The following TFB2M variants were observed in gnomAD, a reference collection of about 807,000 sequenced individuals.
The protein encoded by TFB2M is transcription factor B2, mitochondrial.
In TFB2M, 44 loss-of-function variants were observed where a neutral mutation model predicts 41.3. The ratio of observed to expected loss-of-function variants is 1.07; its 90% CI spans 0.84 to 1.37. The LOEUF is 1.37. Ranked by LOEUF, TFB2M falls within the 40% of genes most tolerant of loss-of-function variation. TFB2M has a pLI of 0.00. For missense variants in TFB2M, 496 were observed against 490.2 expected, an observed-to-expected ratio of 1.01 and a Z score of -0.11; for synonymous variants, 188 against 176.8, an observed-to-expected ratio of 1.06 and a Z score of -0.50.
chr1:246,541,238 T>C (rs1658847251), intron 7 of TFB2M, 36 bp from the exon 8 acceptor site: 5 of 1,591,454 alleles, frequency 3.1e-6, no homozygotes, highest in African/African-American at 1.3e-5. Flanking sequence ...TACTTAATTC[T>C]TTCTCATGCA....
chr1:246,544,434 A>G (rs957514587), intron 7 of TFB2M, 87 bp downstream of exon 7: 1 of 1,231,880 alleles, frequency 8.1e-7, no homozygotes. Flanking sequence ...CACTCTGTCA[A>G]TCAAGATATA....
Position 246,544,695 on chromosome 1 carries a change from A to C in TFB2M, c.859-14T>G, listed in dbSNP as rs1444619023. The C allele has an allele frequency of 1.9e-6, 3 of 1,578,086 alleles. No individual in the cohort carries two copies. The South Asian group carries it at 3.5e-5, about 19-fold the overall frequency. On this transcript the variant is annotated splice_polypyrimidine_tract_variant and intron_variant, in intron 6 of 7. Transcript: ENST00000366514. ...GTCTAATAATTCCTGGAGAGAAGAA[A>C]AAATGAATTGCATTAGTCACAAAAT...
chr1:246,563,707 A>C (rs1659517202), intron 2 of TFB2M, among the ~76,000 whole-genome samples: 1 of 152,210 alleles, frequency 6.6e-6, no homozygotes, highest in South Asian at 2.1e-4. Flanking sequence ...GGTCCAATGT[A>C]CACAAATTTT....
At chr1:246,552,547 T>C (rs2102987163) in intron 4 of TFB2M, among the ~76,000 whole-genome samples, 1 of 150,194 alleles carries the variant, frequency 6.7e-6, no homozygotes, top group South Asian at 2.1e-4. Flanking sequence ...ACTACAAAAA[T>C]AAACTACCTG....
intron 7 of TFB2M, among the ~76,000 whole-genome samples, chr1:246,543,454 G>A (rs1420104835): frequency 6.6e-6 from 1 of 152,172 alleles, no homozygotes; most frequent in Non-Finnish European, 1.5e-5. Flanking sequence ...AGAGATGTAT[G>A]CATCATCCCT....
intron 5 of TFB2M, among the ~76,000 whole-genome samples, chr1:246,550,218 G>A (rs1451859482): frequency 1.3e-5 from 2 of 152,202 alleles, no homozygotes; most frequent in African/African-American, 4.8e-5. Context: ...AAAGTCAACA[G>A]AATGAGACAA....
At chr1:246,549,030 T>A (rs574270149) in intron 5 of TFB2M, among the ~76,000 whole-genome samples, 26 of 152,208 alleles carry the variant, frequency 1.7e-4, no homozygotes, top group African/African-American at 6.0e-4. Context: ...TATATGGAAA[T>A]AAACAAATAA....
chr1:246,560,094 CTT>C (rs888538205), intron 2 of TFB2M, among the ~76,000 whole-genome samples: 4 of 145,168 alleles, frequency 2.8e-5, no homozygotes, highest in African/African-American at 7.5e-5. Context: ...TATGCATGGA[CTT>C]TTTTTTTTTT....
At position 246,544,582 on chromosome 1, in the gene TFB2M, ATATAT is replaced by A; in HGVS notation, c.953_957del (p.Asn318IlefsTer27). ...AAACAGTGCTTTAACAAGTGAAAAA[ATATAT>A]TATAGTTCATAGGTGTTAAGTTCTT... On this transcript the variant is annotated frameshift_variant, in exon 7 of 8. Coordinates refer to ENST00000366514, the MANE Select transcript of TFB2M (RefSeq NM_022366.3). LOFTEE classifies it high-confidence loss of function. The A allele has an allele frequency of 1.2e-6, 2 of 1,611,750 alleles. No individual in the cohort carries two copies. Among genetic ancestry groups the A allele is most frequent in the South Asian group, 1.1e-5 (1 of 90,238 alleles).
At chr1:246,546,983 A>ACACACACACACACTTTT (rs764498048) in intron 6 of TFB2M, among the ~76,000 whole-genome samples, 1 of 127,180 alleles carries the variant, frequency 7.9e-6, no homozygotes, top group Non-Finnish European at 1.7e-5. Context: ...ACACACACAC[A>ACACACACACACACTTTT]TTTTTTTTTT....
chr1:246,566,226 C>T lies in TFB2M; in HGVS notation c.-88G>A. The T allele has an allele frequency of 2.9e-6, 4 of 1,398,334 alleles. No individual in the cohort carries two copies. Among genetic ancestry groups the T allele is most frequent in the Non-Finnish European group, 3.9e-6 (4 of 1,029,516 alleles). The allele number at this position is 1,398,334 out of a possible 1,614,324, so 86.6% of individuals were successfully genotyped here. A position where few individuals can be genotyped will look rare whatever the true frequency, so the allele number is the denominator to read the frequency against. ...CAGGGTATCCCACGTGGAACATTTTCTGGCGTCCGGGCCAGGTCAAGCGGA... is the reference window on the plus strand; with the variant it reads ...CAGGGTATCCCACGTGGAACATTTTTTGGCGTCCGGGCCAGGTCAAGCGGA... On this transcript the variant is annotated 5_prime_UTR_variant, in exon 1 of 8. Transcript: ENST00000366514.
In TFB2M at chr1:246,545,027, G is replaced by A. The variant is rs374177196; in HGVS notation, c.859-346C>T. 2.9e-3 allele frequency among the ~76,000 whole-genome samples: 434 copies of A among 150,804 alleles called. 1 individual carries two copies. The highest frequency in any genetic ancestry group is 0.01 in the Middle Eastern group (3 of 288). ...TCACCGTGTTAGCCAGGATGGTCTC[G>A]ATCTCCTGACCTCGTGATCCGCCCG... On this transcript the variant is annotated intron_variant, in intron 6 of 7. Transcript: ENST00000366514.
At chr1:246,561,093 T>TA (rs1659445239) in intron 2 of TFB2M, among the ~76,000 whole-genome samples, 2 of 152,252 alleles carry the variant, frequency 1.3e-5, no homozygotes, top group African/African-American at 4.8e-5. Flanking sequence ...GTCCCTGACT[T>TA]AGAGCCACAA....
rs1440164019 is a variant in TFB2M at position 246,566,227 on chromosome 1, T to G, written c.-89A>C. 1.4e-6 allele frequency: 2 copies of G among 1,383,032 alleles called. No homozygotes were observed. Among genetic ancestry groups the G allele is most frequent in the African/African-American group, 1.4e-5 (1 of 69,136 alleles). 85.7% of individuals were successfully genotyped at this position (1,383,032 alleles called of 1,614,324 possible). ...AGGGTATCCCACGTGGAACATTTTC[T>G]GGCGTCCGGGCCAGGTCAAGCGGAA... On this transcript the variant is annotated 5_prime_UTR_variant, in exon 1 of 8. Coordinates refer to ENST00000366514, the MANE Select transcript of TFB2M (RefSeq NM_022366.3).
chr1:246,545,812 G>GAA (rs869274564), intron 6 of TFB2M, among the ~76,000 whole-genome samples: 3,521 of 52,536 alleles, frequency 0.067, 284 homozygotes, highest in Middle Eastern at 0.11. Flanking sequence ...ACCCTGATTC[G>GAA]AAAAAAAAAA....
At chr1:246,559,979 T>C (rs960719111) in intron 2 of TFB2M, among the ~76,000 whole-genome samples, 1 of 152,192 alleles carries the variant, frequency 6.6e-6, no homozygotes, top group Non-Finnish European at 1.5e-5. Flanking sequence ...TCAACACGCA[T>C]GGCAAGGCTG....
At chr1:246,557,619 C>A in intron 2 of TFB2M, 85 bp from the exon 3 acceptor site, 2 of 1,114,436 alleles carry the variant, frequency 1.8e-6, no homozygotes, top group African/African-American at 1.6e-5. Flanking sequence ...CTTCAAAAAA[C>A]CATAATAAAA....
At chr1:246,560,970 G>C (rs1267302858) in intron 2 of TFB2M, among the ~76,000 whole-genome samples, 1 of 152,076 alleles carries the variant, frequency 6.6e-6, no homozygotes, top group African/African-American at 2.4e-5. Flanking sequence ...AAAATTCGTC[G>C]GTCGTGGTGG....
chr1:246,546,067 C>T (rs929964823), intron 6 of TFB2M, among the ~76,000 whole-genome samples: 1 of 152,060 alleles, frequency 6.6e-6, no homozygotes, highest in African/African-American at 2.4e-5. Context: ...TACAATCCAA[C>T]ACTTTGGGAG....
Sources: allele counts gnomAD v4.1 joint callset (sites outside exome capture counted in the v4.1 genomes callset), GRCh38; gene constraint gnomAD v4.1.1; transcripts MANE v1.5; gene names NCBI Gene and HGNC (gene_info 2026-07-23, HGNC 2026-07-21).